ESRRG: variants seen among roughly 807,000 people sequenced by gnomAD.
ESRRG encodes the protein estrogen related receptor gamma, also known as estrogen-related receptor gamma.
Under a neutral mutation model 44.0 loss-of-function variants are expected in ESRRG, and 13 were observed. The observed-to-expected ratio is 0.30, with a 90% CI of 0.19 to 0.47. The LOEUF (loss-of-function observed/expected upper bound fraction) is 0.47. ESRRG is among the 20% of genes least tolerant of loss of function. The probability of loss-of-function intolerance (pLI) is 1.00; values close to 1 mark genes in which losing one functional copy is unlikely to be tolerated. For synonymous variants in ESRRG, 215 were observed against 214.6 expected (o/e 1.00, Z -0.02); for missense variants, 395 against 580.6 (o/e 0.68, Z 3.29).
chr1:216,601,381 T>A (rs2059232453), intron 3 of ESRRG, among the ~76,000 whole-genome samples: 1 of 152,088 alleles, frequency 6.6e-6, no homozygotes, highest in Admixed American at 6.5e-5. Context: ...CAAAGCCCGC[T>A]CCAACGCCGC....
At chr1:216,794,757 TAA>T (rs1249569514) in intron 2 of ESRRG, among the ~76,000 whole-genome samples, 3 of 152,162 alleles carry the variant, frequency 2.0e-5, no homozygotes, top group Admixed American at 6.6e-5. Flanking sequence ...TCAGCACAGT[TAA>T]AGTTTTACCA....
chr1:216,863,265 G>A (rs1039128633), intron 2 of ESRRG: 3 of 150,006 alleles, frequency 2.0e-5, no homozygotes, highest in Admixed American at 6.7e-5. Context: ...ATATATATGA[G>A]AATAGGACAA....
At chr1:216,591,887 T>C (rs1232821521) in intron 3 of ESRRG, among the ~76,000 whole-genome samples, 2 of 152,204 alleles carry the variant, frequency 1.3e-5, no homozygotes, top group Non-Finnish European at 2.9e-5. Flanking sequence ...GGAATAATTA[T>C]AGTCTCAATT....
intron 2 of ESRRG, among the ~76,000 whole-genome samples, chr1:216,832,780 A>C (rs2095506580): frequency 6.6e-6 from 1 of 152,178 alleles, no homozygotes; most frequent in African/African-American, 2.4e-5. Flanking sequence ...CCTGGCCAAC[A>C]TGGTGAAACC....
In ESRRG at chr1:216,841,185, A is replaced by G. The variant is rs1157057092; in HGVS notation, c.-14+98397T>C. 2.6e-5 allele frequency among the ~76,000 whole-genome samples: 4 copies of G among 151,856 alleles called. 1 individual carries two copies. The South Asian group carries it at 8.3e-4, about 31-fold the overall frequency. On this transcript the variant is annotated intron_variant, in intron 2 of 7. Transcript: ENST00000359162. Reference sequence around the variant, plus strand: ...TTATTGTGGATCTTTAAATTAAAATAGAATTTTTTTTTTCTAATTTCTGGG... The same window carrying G: ...TTATTGTGGATCTTTAAATTAAAATGGAATTTTTTTTTTCTAATTTCTGGG...
At chr1:217,025,975 A>G (rs1406039970) in intron 1 of ESRRG, among the ~76,000 whole-genome samples, 1 of 152,306 alleles carries the variant, frequency 6.6e-6, no homozygotes. Flanking sequence ...GAAATAGCCA[A>G]AAAAGGAAAA....
intron 2 of ESRRG, among the ~76,000 whole-genome samples, chr1:216,754,159 G>GATGGAGGAAAAACAAAAACAA (rs2092294652): frequency 6.6e-6 from 1 of 151,972 alleles, no homozygotes; most frequent in Non-Finnish European, 1.5e-5. Flanking sequence ...ACAAAAACCC[G>GATGGAGGAAAAACAAAAACAA]AAACCTTCTT....
At chr1:216,650,872 T>A in intron 3 of ESRRG, 101 bp downstream of exon 3, 1 of 756,292 alleles carries the variant, frequency 1.3e-6, no homozygotes. Context: ...GTACTTACTG[T>A]TACCTCATCT....
intron 1 of ESRRG, among the ~76,000 whole-genome samples, chr1:216,952,565 T>A (rs1419316707): frequency 6.6e-6 from 1 of 152,128 alleles, no homozygotes; most frequent in Non-Finnish European, 1.5e-5. Flanking sequence ...TAGTAGCAAC[T>A]ATGAAACAGA....
chr1:216,913,798 G>A (rs1182404523), intron 2 of ESRRG, among the ~76,000 whole-genome samples: 1 of 152,186 alleles, frequency 6.6e-6, no homozygotes, highest in African/African-American at 2.4e-5. Context: ...TGTTATTAAT[G>A]ATAATTATAA....
chr1:216,658,409 T>G (rs2071203457), intron 2 of ESRRG, among the ~76,000 whole-genome samples: 1 of 152,124 alleles, frequency 6.6e-6, no homozygotes, highest in Admixed American at 6.6e-5. Context: ...CACTAGGCAT[T>G]GTGCATGTTC....
intron 3 of ESRRG, among the ~76,000 whole-genome samples, chr1:216,586,546 A>G (rs1014806986): frequency 1.3e-5 from 2 of 151,572 alleles, no homozygotes; most frequent in Non-Finnish European, 2.9e-5. Flanking sequence ...ACTTCTTCTC[A>G]TACAAAGAAA....
intron 2 of ESRRG, among the ~76,000 whole-genome samples, chr1:216,804,781 C>G (rs1021334538): frequency 1.1e-4 from 17 of 152,098 alleles, no homozygotes; most frequent in Non-Finnish European, 2.1e-4. Flanking sequence ...CACATACCCC[C>G]CTTCCCCAAC....
At chr1:216,810,793 A>C (rs1293075986) in intron 2 of ESRRG, among the ~76,000 whole-genome samples, 1 of 148,344 alleles carries the variant, frequency 6.7e-6, no homozygotes, top group Non-Finnish European at 1.5e-5. Context: ...ATATTTAACT[A>C]ATATATATAA....
rs57887484 is a variant in ESRRG, at chr1:216,669,894, G to GAA, written c.472+7180_472+7181dup. Among the ~76,000 whole-genome samples the GAA allele has an allele frequency of 4.0e-3, 590 of 148,680 alleles. 7 individuals carry two copies. The highest frequency in any genetic ancestry group is 0.014 in the African/African-American group (554 of 40,612). On this transcript the variant is annotated intron_variant, in intron 2 of 6. Coordinates refer to ENST00000408911, the MANE Select transcript of ESRRG (RefSeq NM_001438.4). ...GAAAGAGACTCTGTCTCAAAAAAAA[G>GAA]AAAAAAAAAAGTTAAAGCAATGAAT...
At chr1:216,918,422 T>G (rs555857038) in intron 2 of ESRRG, among the ~76,000 whole-genome samples, 10 of 152,162 alleles carry the variant, frequency 6.6e-5, no homozygotes, top group Non-Finnish European at 1.5e-4. Flanking sequence ...AAAATAAGCC[T>G]GCTATGTGTT....
chr1:216,974,934 G>T (rs1181268790), intron 1 of ESRRG, among the ~76,000 whole-genome samples: 2 of 151,580 alleles, frequency 1.3e-5, no homozygotes, highest in African/African-American at 4.8e-5. Context: ...CATGCTTTAA[G>T]AAGTAATTTA....
chr1:216,751,350 G>A (rs576895046), intron 2 of ESRRG, among the ~76,000 whole-genome samples: 1 of 152,290 alleles, frequency 6.6e-6, no homozygotes, highest in African/African-American at 2.4e-5. Flanking sequence ...CTTAGGGACT[G>A]TGAGAAGAGG....
intron 1 of ESRRG, among the ~76,000 whole-genome samples, chr1:217,070,829 T>C (rs1040668223): frequency 8.5e-5 from 13 of 152,150 alleles, no homozygotes; most frequent in African/African-American, 3.1e-4. Flanking sequence ...AGTAGAAGAG[T>C]TCACTTGATT....
Sources: gnomAD v4.1 joint callset for allele counts (sites outside exome capture counted in the v4.1 genomes callset) on GRCh38, gnomAD v4.1.1 for gene constraint, MANE v1.5 for transcripts, NCBI Gene and HGNC (gene_info 2026-07-23, HGNC 2026-07-21) for gene names.